TNRC6B: variants seen among roughly 807,000 people sequenced by gnomAD.
TNRC6B encodes trinucleotide repeat containing adaptor 6B, also known as trinucleotide repeat-containing gene 6B protein.
In TNRC6B, 52 loss-of-function variants were observed where a neutral mutation model predicts 203.6. The ratio of observed to expected loss-of-function variants is 0.26; its 90% CI spans 0.20 to 0.32. The LOEUF is 0.32. TNRC6B is among the 10% of genes least tolerant of loss of function. The pLI is 1.00. For missense variants in TNRC6B, 1,923 were observed against 2,286.2 expected (o/e 0.84, Z 3.24); for synonymous variants, 838 against 845.7 (o/e 0.99, Z 0.16).
upstream of TNRC6B, among the ~76,000 whole-genome samples, chr22:40,173,271 A>G (rs1168118961): frequency 6.6e-6 from 1 of 151,796 alleles, no homozygotes; most frequent in Non-Finnish European, 1.5e-5. Context: ...TAATTTTTGT[A>G]TTTGTAGTAG....
chr22:40,062,060 C>T (rs1341954798), intron 1 of TNRC6B, among the ~76,000 whole-genome samples: 3 of 152,042 alleles, frequency 2.0e-5, no homozygotes, highest in Non-Finnish European at 2.9e-5. Flanking sequence ...GGCAACACAG[C>T]GAGACTCTGT....
intron 1 of TNRC6B, among the ~76,000 whole-genome samples, chr22:40,086,820 G>T (rs1468559595): frequency 1.3e-5 from 2 of 152,150 alleles, no homozygotes; most frequent in African/African-American, 4.8e-5. Context: ...AAAATTGATT[G>T]TCCTCTCTCT....
At chr22:40,321,897 A>T (rs1438507901) in intron 22 of TNRC6B, 1 of 152,330 alleles carries the variant, frequency 6.6e-6, no homozygotes, top group African/African-American at 2.4e-5. Flanking sequence ...CTTGGGGGGT[A>T]GCAGGGTCTT....
At chr22:40,155,790 T>C (rs937545460) in intron 3 of TNRC6B, among the ~76,000 whole-genome samples, 12 of 152,234 alleles carry the variant, frequency 7.9e-5, no homozygotes, top group African/African-American at 2.9e-4. Flanking sequence ...AGAAACTGTT[T>C]ATGTGTTCTC....
chr22:40,163,653 C>T (rs1021749643), intron 4 of TNRC6B, among the ~76,000 whole-genome samples: 1 of 151,098 alleles, frequency 6.6e-6, no homozygotes, highest in Non-Finnish European at 1.5e-5. Flanking sequence ...CTCAGCTACT[C>T]GGGAGGCTGA....
intron 1 of TNRC6B, among the ~76,000 whole-genome samples, chr22:40,113,702 A>T (rs73428256): frequency 6.6e-6 from 1 of 152,050 alleles, no homozygotes; most frequent in South Asian, 2.1e-4. Flanking sequence ...AATTAACTAG[A>T]TATCTTCTTG....
chr22:40,315,804 A>G, intron 20 of TNRC6B, 138 bp from the exon 21 acceptor site: 1 of 715,002 alleles, frequency 1.4e-6, no homozygotes, highest in Non-Finnish European at 2.3e-6. Flanking sequence ...GAAGAGAAAA[A>G]GAAGGTCAGA....
At chr22:40,287,124 C>T (rs1319519340) in intron 12 of TNRC6B, among the ~76,000 whole-genome samples, 1 of 152,110 alleles carries the variant, frequency 6.6e-6, no homozygotes, top group Non-Finnish European at 1.5e-5. Flanking sequence ...GTCCTCCCTC[C>T]TCAGCCTCCA....
chr22:40,245,998 T>C lies in TNRC6B; in HGVS notation c.6-17T>C, dbSNP rs1321756489. ...AATGTAGATGTATAACCTTCTGTTA[T>C]GATGTTACTTTAATAGAGAGAAGGA... is the stretch of plus-strand genomic sequence containing the variant. On this transcript the variant is annotated splice_polypyrimidine_tract_variant and intron_variant, in intron 1 of 22. Transcript: ENST00000454349. The C allele has an allele frequency of 4.6e-6, 7 of 1,534,288 alleles. No homozygotes were observed. The East Asian group carries it at 1.5e-4, about 32-fold the overall frequency.
chr22:40,105,989 AT>A (rs2068279693), intron 1 of TNRC6B, among the ~76,000 whole-genome samples: 1 of 152,108 alleles, frequency 6.6e-6, no homozygotes, highest in Non-Finnish European at 1.5e-5. Flanking sequence ...ATGGTGTATC[AT>A]TATGATTTTC....
At chr22:40,264,575 C>A in intron 4 of TNRC6B, 113 bp from the exon 5 acceptor site, 1 of 1,175,206 alleles carries the variant, frequency 8.5e-7, no homozygotes, top group Non-Finnish European at 1.2e-6. Context: ...TTGAGAGAAA[C>A]TGGCATGTGA....
intron 1 of TNRC6B, among the ~76,000 whole-genome samples, chr22:40,105,878 T>C (rs1490264015): frequency 2.0e-5 from 3 of 152,152 alleles, no homozygotes; most frequent in African/African-American, 7.2e-5. Flanking sequence ...ATGTAATAAT[T>C]TGCATTCACA....
intron 3 of TNRC6B, among the ~76,000 whole-genome samples, chr22:40,151,118 A>G (rs867191299): frequency 1.6e-4 from 25 of 152,304 alleles, no homozygotes; most frequent in Non-Finnish European, 2.6e-4. Context: ...GAAGAAAACT[A>G]AAACAGGCTG....
intron 1 of TNRC6B, among the ~76,000 whole-genome samples, chr22:40,232,923 G>A (rs888289691): frequency 5.3e-5 from 8 of 151,984 alleles, no homozygotes; most frequent in African/African-American, 7.3e-5. Context: ...AGGCTGAGGC[G>A]GGCAGAACAC....
At chr22:40,129,809 A>G (rs990514754) in intron 3 of TNRC6B, among the ~76,000 whole-genome samples, 3 of 152,218 alleles carry the variant, frequency 2.0e-5, no homozygotes, top group Non-Finnish European at 2.9e-5. Context: ...ACATGGAAGT[A>G]TAGATGAAGC....
chr22:40,061,899 C>T (rs543202038), intron 1 of TNRC6B, among the ~76,000 whole-genome samples: 1 of 152,020 alleles, frequency 6.6e-6, no homozygotes, highest in Admixed American at 6.6e-5. Flanking sequence ...CATGGTGAAA[C>T]CTTGTCTCTA....
intron 1 of TNRC6B, among the ~76,000 whole-genome samples, chr22:40,056,460 G>T (rs1232912192): frequency 6.6e-6 from 1 of 152,170 alleles, no homozygotes; most frequent in Non-Finnish European, 1.5e-5. Context: ...AGAGAAAAAT[G>T]GAAGCAGGAC....
chr22:40,258,385 A>G (rs1047171993), intron 3 of TNRC6B, among the ~76,000 whole-genome samples: 1 of 152,092 alleles, frequency 6.6e-6, no homozygotes, highest in Non-Finnish European at 1.5e-5. Flanking sequence ...TTGGGAGTCA[A>G]TTTGGATCAG....
At position 40,265,309 on chromosome 22, in the gene TNRC6B, C is replaced by G. The variant is rs775775022; in HGVS notation, c.1079C>G (p.Ser360Cys). 6.2e-7 allele frequency: 1 copy of G among 1,613,988 alleles called. No homozygotes were observed. The highest frequency in any genetic ancestry group is 8.5e-7 in the Non-Finnish European group (1 of 1,179,886). ...MENAGVNFVVSGREQAQIHNT... is the reference protein window; with the variant it reads ...MENAGVNFVVCGREQAQIHNT... Reference sequence around the variant, plus strand: ...AATGCGGGTGTTAATTTTGTTGTCTCTGGCAGAGAACAGGCTCAAATTCAT... The same window carrying G: ...AATGCGGGTGTTAATTTTGTTGTCTGTGGCAGAGAACAGGCTCAAATTCAT... The change falls in exon 5 of 23, where the codon TCT becomes TGT. Residue 360 changes from serine to cysteine, a missense_variant. By Grantham distance (112) the Ser-to-Cys change is moderately radical (BLOSUM62 -1). Coordinates refer to ENST00000454349, the MANE Select transcript of TNRC6B (RefSeq NM_001162501.2).
Sources: allele counts gnomAD v4.1 joint callset (sites outside exome capture counted in the v4.1 genomes callset), GRCh38; gene constraint gnomAD v4.1.1; transcripts MANE v1.5; gene names NCBI Gene and HGNC (gene_info 2026-07-23, HGNC 2026-07-21).